Variants in ZNF618 observed in about 807,000 individuals in gnomAD.
The protein encoded by ZNF618 is zinc finger protein 618.
A neutral mutation model predicts 103.0 loss-of-function variants in ZNF618; 34 were observed. The ratio of observed to expected loss-of-function variants is 0.33; its 90% CI spans 0.25 to 0.44. ZNF618 has a LOEUF of 0.44. Among genes scored for constraint, ZNF618 ranks in the 20% least tolerant of loss-of-function variants. The pLI, the probability that ZNF618 is intolerant of heterozygous loss-of-function variation, is 1.00. For missense variants in ZNF618, 1,059 were observed against 1,295.4 expected (o/e 0.82, Z 2.80); for synonymous variants, 551 against 542.2 (o/e 1.02, Z -0.23).
chr9:113,916,321 C>T (rs549012268), intron 1 of ZNF618, among the ~76,000 whole-genome samples: 107 of 152,230 alleles, frequency 7.0e-4, no homozygotes, highest in African/African-American at 2.3e-3. Flanking sequence ...TAGCCTGGAC[C>T]GGTGGATTCC....
intron 1 of ZNF618, among the ~76,000 whole-genome samples, chr9:113,904,529 GTTT>G (rs1199376646): frequency 6.6e-6 from 1 of 152,110 alleles, no homozygotes; most frequent in Non-Finnish European, 1.5e-5. Flanking sequence ...TTTGTGCTGT[GTTT>G]TGCTCTGTTA....
chr9:113,938,091 A>G (rs1297040822), intron 1 of ZNF618, among the ~76,000 whole-genome samples: 4 of 150,392 alleles, frequency 2.7e-5, no homozygotes, highest in Non-Finnish European at 4.4e-5. Flanking sequence ...TGACATATTT[A>G]TGATATTATA....
chr9:113,896,910 A>G (rs1437516649), intron 1 of ZNF618, among the ~76,000 whole-genome samples: 1 of 151,996 alleles, frequency 6.6e-6, no homozygotes, highest in Non-Finnish European at 1.5e-5. Context: ...GGATTTTCTA[A>G]TTTTTATAGT....
At chr9:113,980,400 G>A (rs1272355006) in intron 2 of ZNF618, among the ~76,000 whole-genome samples, 1 of 151,854 alleles carries the variant, frequency 6.6e-6, no homozygotes, top group African/African-American at 2.4e-5. Flanking sequence ...AGTCCAAGCT[G>A]GAGATACAAT....
intron 10 of ZNF618, among the ~76,000 whole-genome samples, chr9:114,017,054 G>A (rs563712034): frequency 1.3e-4 from 20 of 152,284 alleles, no homozygotes; most frequent in Middle Eastern, 6.8e-3. Flanking sequence ...GGTGAGGAGG[G>A]TGGACATCAC....
intron 12 of ZNF618, among the ~76,000 whole-genome samples, chr9:114,035,771 A>G (rs1844536298): frequency 6.6e-6 from 1 of 151,350 alleles, no homozygotes; most frequent in African/African-American, 2.4e-5. Context: ...TTTCCGCATC[A>G]GATCCCCACT....
intron 1 of ZNF618, among the ~76,000 whole-genome samples, chr9:113,960,815 A>C (rs814694): frequency 6.6e-6 from 1 of 152,218 alleles, no homozygotes; most frequent in South Asian, 2.1e-4. Context: ...AGATCAAACC[A>C]TTGTTCCTTC....
chr9:113,957,446 A>G (rs1409214368), intron 1 of ZNF618, among the ~76,000 whole-genome samples: 2 of 152,216 alleles, frequency 1.3e-5, no homozygotes, highest in Non-Finnish European at 2.9e-5. Context: ...CTGAGAGGCC[A>G]TCAGTCCAGC....
intron 10 of ZNF618, among the ~76,000 whole-genome samples, chr9:114,020,638 G>T (rs1197958804): frequency 6.6e-6 from 1 of 151,994 alleles, no homozygotes; most frequent in East Asian, 1.9e-4. Flanking sequence ...CAATCTTTGT[G>T]TATTGAATTT....
At chr9:113,879,397 G>GTTTTTTTTTTTTTTTT (rs35301339) in intron 1 of ZNF618, among the ~76,000 whole-genome samples, 1 of 95,618 alleles carries the variant, frequency 1.0e-5, no homozygotes, top group African/African-American at 4.2e-5. Context: ...TTTTTTTTCT[G>GTTTTTTTTTTTTTTTT]TTTTTTTTTT....
At chr9:113,947,960 G>A (rs1405902275) in intron 1 of ZNF618, among the ~76,000 whole-genome samples, 1 of 152,166 alleles carries the variant, frequency 6.6e-6, no homozygotes, top group Non-Finnish European at 1.5e-5. Context: ...CATCCCTTTG[G>A]TCGCCATGTT....
At chr9:114,036,159 G>A (rs899172803) in intron 12 of ZNF618, 141 bp from the exon 13 acceptor site, 5 of 690,170 alleles carry the variant, frequency 7.2e-6, no homozygotes, top group Non-Finnish European at 1.3e-5. Flanking sequence ...TGACGGGGGA[G>A]GCAGGCAGGC....
intron 2 of ZNF618, among the ~76,000 whole-genome samples, chr9:113,983,033 A>G (rs1839111931): frequency 6.6e-6 from 1 of 152,182 alleles, no homozygotes; most frequent in South Asian, 2.1e-4. Flanking sequence ...ATCTTGAGCA[A>G]CTATTTTGTA....
At chr9:113,935,474 C>G (rs1348410387) in intron 1 of ZNF618, among the ~76,000 whole-genome samples, 1 of 152,166 alleles carries the variant, frequency 6.6e-6, no homozygotes, top group Non-Finnish European at 1.5e-5. Flanking sequence ...CACCTGCACC[C>G]CACCTGGCCC....
At chr9:114,002,478 G>T in intron 5 of ZNF618, 146 bp from the exon 6 acceptor site, 1 of 820,448 alleles carries the variant, frequency 1.2e-6, no homozygotes, top group South Asian at 1.8e-5. Context: ...GAGCCTGGCA[G>T]ACAGGGAGGA....
chr9:113,883,801 G>C (rs2130850371), intron 1 of ZNF618, among the ~76,000 whole-genome samples: 1 of 152,160 alleles, frequency 6.6e-6, no homozygotes, highest in South Asian at 2.1e-4. Context: ...CCTTACAGTA[G>C]ATTTGTTCTT....
intron 1 of ZNF618, among the ~76,000 whole-genome samples, chr9:113,914,881 C>G (rs1035721865): frequency 4.6e-5 from 7 of 152,124 alleles, no homozygotes; most frequent in Non-Finnish European, 7.4e-5. Context: ...TTGACTGGCC[C>G]CCTCATCTTC....
intron 6 of ZNF618, 129 bp from the exon 7 acceptor site, chr9:114,007,221 C>T (rs1841831566): frequency 1.4e-6 from 1 of 722,546 alleles, no homozygotes; most frequent in African/African-American, 1.8e-5. Context: ...AAATGAGAGA[C>T]TGCTTCCTCC....
chr9:113,984,836 G>T (rs814701), intron 2 of ZNF618, among the ~76,000 whole-genome samples: 2 of 151,930 alleles, frequency 1.3e-5, no homozygotes, highest in Non-Finnish European at 2.9e-5. Context: ...AATACACATC[G>T]TTCACTATCA....
Sources: allele counts gnomAD v4.1 joint callset (sites outside exome capture counted in the v4.1 genomes callset), GRCh38; gene constraint gnomAD v4.1.1; transcripts MANE v1.5; gene names NCBI Gene and HGNC (gene_info 2026-07-23, HGNC 2026-07-21).